HIVEP3: variants seen among roughly 807,000 people sequenced by gnomAD.
HIVEP3 encodes HIVEP zinc finger 3, also known as transcription factor HIVEP3.
In HIVEP3, 49 loss-of-function variants were observed where a neutral mutation model predicts 152.8. The observed-to-expected ratio is 0.32, with a 90% confidence interval of 0.26 to 0.41. The LOEUF (loss-of-function observed/expected upper bound fraction) is 0.41. Ranked by LOEUF, HIVEP3 falls within the 10% of genes least tolerant of loss-of-function variation. HIVEP3 has a pLI of 1.00. For synonymous variants in HIVEP3, 1,269 were observed against 1,289.0 expected (o/e 0.98, Z 0.33); for missense variants, 2,790 against 3,103.3 (o/e 0.90, Z 2.40).
rs541485112 is a variant in HIVEP3 at position 42,026,514 on chromosome 1, C to T, written n.119+9293G>A. Reference sequence around the variant, plus strand: ...TTTTGGTCCAAATAACCTATCCTACCATTATCAGAAACCAAAGCCTACAAT... The same window carrying T: ...TTTTGGTCCAAATAACCTATCCTACTATTATCAGAAACCAAAGCCTACAAT... On this transcript the variant is annotated intron_variant and non_coding_transcript_variant, in intron 1 of 3. Transcript: ENST00000489103. Among the ~76,000 whole-genome samples, 22 of 152,140 alleles carry T rather than the reference C, an allele frequency of 1.4e-4. No individual in the cohort carries two copies. In the South Asian group the frequency reaches 4.4e-3, roughly 30 times the overall value.
At chr1:42,004,230 C>G (rs1162576864) in intron 1 of HIVEP3, among the ~76,000 whole-genome samples, 1 of 152,224 alleles carries the variant, frequency 6.6e-6, no homozygotes, top group African/African-American at 2.4e-5. Context: ...ATGTTCAAAA[C>G]AGGTAGAGCC....
intron 1 of HIVEP3, among the ~76,000 whole-genome samples, chr1:42,035,188 G>A (rs977574421): frequency 2.0e-5 from 3 of 152,244 alleles, no homozygotes; most frequent in Admixed American, 6.5e-5. Flanking sequence ...GGGCAAGCGC[G>A]AGAGACTGAG....
intron 1 of HIVEP3, among the ~76,000 whole-genome samples, chr1:41,970,463 C>T (rs1023844548): frequency 6.6e-6 from 1 of 152,080 alleles, no homozygotes; most frequent in Non-Finnish European, 1.5e-5. Context: ...CACATATTAT[C>T]TTATAAGTGG....
chr1:41,644,630 C>T (rs571492989), intron 2 of HIVEP3, among the ~76,000 whole-genome samples: 51 of 150,050 alleles, frequency 3.4e-4, no homozygotes, highest in Non-Finnish European at 6.2e-4. Flanking sequence ...GGAATGTCTC[C>T]ATTTGGTGGC....
chr1:41,580,079 C>T lies in HIVEP3; in HGVS notation c.4719G>A (p.Leu1573=). ...TGGCTGGTCTGGAGGACGTTTCTGA[C>T]AGAGGCAGAGAGCTCGGAGGTGCCA... The part of the protein sequence containing the change: ...PSLAPPSSLP[L]SETSSRPAKS... The change falls in exon 4 of 9, where the codon CTG becomes CTA. Residue 1573 remains leucine (L), a synonymous_variant. Transcript: ENST00000372583. The T allele has an allele frequency of 6.2e-7, 1 of 1,614,234 alleles. No homozygotes were observed. Among genetic ancestry groups the T allele is most frequent in the Non-Finnish European group, 8.5e-7 (1 of 1,180,048 alleles).
chr1:41,547,434 C>T (rs969710626), intron 5 of HIVEP3, among the ~76,000 whole-genome samples: 1 of 152,208 alleles, frequency 6.6e-6, no homozygotes, highest in Admixed American at 6.5e-5. Context: ...GGTGCCTGGC[C>T]TGGGCTTTGA....
chr1:41,893,122 C>CAAAAA (rs59214004), intron 1 of HIVEP3, among the ~76,000 whole-genome samples: 6 of 76,814 alleles, frequency 7.8e-5, no homozygotes, highest in African/African-American at 2.2e-4. Flanking sequence ...GATCTCGTCT[C>CAAAAA]AAAAAAAAAA....
chr1:41,636,386 A>G (rs899539301), intron 2 of HIVEP3, among the ~76,000 whole-genome samples: 5 of 152,240 alleles, frequency 3.3e-5, no homozygotes, highest in African/African-American at 1.2e-4. Context: ...AAATATTTCT[A>G]TACTTTAGTG....
chr1:41,585,826 G>A (rs1012212594), intron 3 of HIVEP3, among the ~76,000 whole-genome samples: 4 of 152,190 alleles, frequency 2.6e-5, no homozygotes, highest in Non-Finnish European at 5.9e-5. Flanking sequence ...CATGGCTGGT[G>A]CAGGAGGGAA....
At position 41,583,152 on chromosome 1, in the gene HIVEP3, G is replaced by C. The variant is rs141359612; in HGVS notation, c.1646C>G (p.Thr549Ser). 2 of 1,612,920 alleles carry C rather than the reference G, an allele frequency of 1.2e-6. No homozygotes were observed. The highest frequency in any genetic ancestry group is 1.7e-5 in the Admixed American group (1 of 59,988). ...GAAGGGGTGGTGGGGGGTGCTGATA[G>C]TGCAGGCGGCAGAAGGCATTGAGTG... ...RSHSMPSAACTISTPHHPFRG... is the reference protein window; with the variant it reads ...RSHSMPSAACSISTPHHPFRG... The change falls in exon 4 of 9, where the codon ACT becomes AGT. Residue 549 changes from threonine (T) to serine (S), a missense_variant. Physicochemically the swap from Thr to Ser is moderately conservative, Grantham distance 58. This residue lies in a region of HIVEP3 where 339 missense variants were observed against 327.0 expected (regional missense o/e 1.04). Transcript: ENST00000372583. This position sits in a 1 kb window ranked among gnomAD's most constrained non-coding sequence, Gnocchi z 6.9.
At chr1:41,889,659 A>T (rs773062904) in intron 1 of HIVEP3, among the ~76,000 whole-genome samples, 6 of 152,164 alleles carry the variant, frequency 3.9e-5, no homozygotes, top group Non-Finnish European at 7.3e-5. Context: ...TTCATTTCCC[A>T]TATGTTAGTG....
At chr1:41,567,780 T>C (rs746372133) in intron 5 of HIVEP3, among the ~76,000 whole-genome samples, 1 of 152,252 alleles carries the variant, frequency 6.6e-6, no homozygotes, top group Admixed American at 6.5e-5. Flanking sequence ...AGCAGAATGG[T>C]CTGCAAGGAA....
At chr1:42,016,126 A>T (rs1253894044) in intron 1 of HIVEP3, among the ~76,000 whole-genome samples, 1 of 152,246 alleles carries the variant, frequency 6.6e-6, no homozygotes, top group Non-Finnish European at 1.5e-5. Flanking sequence ...TTATGCTTTT[A>T]AAAAGACTAT....
At chr1:41,634,187 TC>T (rs1286178567) in intron 2 of HIVEP3, among the ~76,000 whole-genome samples, 2 of 149,956 alleles carry the variant, frequency 1.3e-5, no homozygotes, top group South Asian at 2.1e-4. Context: ...AATAAGTAAT[TC>T]AAAAAAGGAC....
chr1:42,009,904 C>T (rs1171354720), intron 1 of HIVEP3, among the ~76,000 whole-genome samples: 1 of 152,126 alleles, frequency 6.6e-6, no homozygotes, highest in East Asian at 1.9e-4. Context: ...GTCTCATTTA[C>T]TTATTTGGAA....
chr1:41,526,320 C>G (rs1329808630), intron 5 of HIVEP3, among the ~76,000 whole-genome samples: 1 of 147,290 alleles, frequency 6.8e-6, no homozygotes, highest in Non-Finnish European at 1.5e-5. Context: ...CACACGCTCA[C>G]CCTCATACTA....
At chr1:41,527,349 TCACCTTCACACTC>T (rs1643014173) in intron 5 of HIVEP3, among the ~76,000 whole-genome samples, 1 of 35,914 alleles carries the variant, frequency 2.8e-5, no homozygotes, top group Non-Finnish European at 6.2e-5. Context: ...ACCTTCACAC[TCACCTTCACACTC>T]CACACCCCTG....
intron 1 of HIVEP3, among the ~76,000 whole-genome samples, chr1:41,727,366 G>A (rs1015451413): frequency 4.6e-5 from 7 of 152,288 alleles, no homozygotes; most frequent in East Asian, 3.9e-4. Context: ...CCCTTCCTGT[G>A]CCTGACCCCT....
intron 1 of HIVEP3, among the ~76,000 whole-genome samples, chr1:41,766,651 G>A (rs752182035): frequency 2.0e-5 from 3 of 152,148 alleles, no homozygotes; most frequent in Non-Finnish European, 2.9e-5. Flanking sequence ...CTTGTGTGCC[G>A]CTGGGCACAT....
Sources: gnomAD v4.1 joint callset for allele counts (sites outside exome capture counted in the v4.1 genomes callset) on GRCh38, gnomAD v4.1.1 for gene constraint, gnomAD v4.1.1 regional missense constraint, Gnocchi (gnomAD v3.1) non-coding constraint, MANE v1.5 for transcripts, NCBI Gene and HGNC (gene_info 2026-07-23, HGNC 2026-07-21) for gene names.